Variants in GLIS1 observed in about 807,000 individuals in gnomAD.
GLIS1 encodes zinc finger protein GLIS1.
Under a neutral mutation model 63.8 loss-of-function variants are expected in GLIS1, and 24 were observed. That is an observed-to-expected ratio of 0.38 (90% CI 0.27 to 0.53). The LOEUF (loss-of-function observed/expected upper bound fraction) is 0.53, where lower values mean the gene tolerates loss of function less well. GLIS1 is among the 20% of genes least tolerant of loss of function. The probability of loss-of-function intolerance (pLI) is 0.85; values close to 1 mark genes in which losing one functional copy is unlikely to be tolerated. For synonymous variants in GLIS1, 450 were observed against 482.5 expected, an observed-to-expected ratio of 0.93 and a Z score of 0.88; for missense variants, 1,036 against 1,074.1, an observed-to-expected ratio of 0.96 and a Z score of 0.50.
At chr1:53,614,272 G>T (rs948178041) in intron 2 of GLIS1, among the ~76,000 whole-genome samples, 1 of 152,160 alleles carries the variant, frequency 6.6e-6, no homozygotes, top group African/African-American at 2.4e-5. Context: ...AAATTAAAAT[G>T]AAAACAAGAA....
chr1:53,524,688 A>C, intron 6 of GLIS1, 89 bp downstream of exon 6: 2 of 836,744 alleles, frequency 2.4e-6, no homozygotes, highest in Non-Finnish European at 4.1e-6. Flanking sequence ...GTGGGTGGGC[A>C]GATGCATGTG....
At chr1:53,542,211 G>T (rs957584601) in intron 4 of GLIS1, among the ~76,000 whole-genome samples, 1 of 152,232 alleles carries the variant, frequency 6.6e-6, no homozygotes, top group Non-Finnish European at 1.5e-5. Context: ...CTGTCAAAGG[G>T]GTCCGTGTGG....
At chr1:53,689,029 CCCT>C (rs1646372834) in intron 2 of GLIS1, among the ~76,000 whole-genome samples, 1 of 152,188 alleles carries the variant, frequency 6.6e-6, no homozygotes, top group African/African-American at 2.4e-5. Context: ...TCCTCAAGCC[CCCT>C]GCTTTCAATA....
At chr1:53,614,120 C>A (rs1016494453) in intron 2 of GLIS1, among the ~76,000 whole-genome samples, 2 of 152,124 alleles carry the variant, frequency 1.3e-5, no homozygotes, top group Admixed American at 1.3e-4. Context: ...ATGCCAGGAC[C>A]AGGCACCAAA....
At chr1:53,731,250 A>G (rs1303231189) in intron 2 of GLIS1, among the ~76,000 whole-genome samples, 1 of 152,158 alleles carries the variant, frequency 6.6e-6, no homozygotes, top group Non-Finnish European at 1.5e-5. Context: ...CAGATTCCTG[A>G]GGATCCTGAG....
At chr1:53,705,089 T>C (rs1646564536) in intron 2 of GLIS1, among the ~76,000 whole-genome samples, 2 of 152,196 alleles carry the variant, frequency 1.3e-5, no homozygotes, top group African/African-American at 2.4e-5. Flanking sequence ...TTTCAGGGCT[T>C]TTCCTAGGCC....
intron 2 of GLIS1, among the ~76,000 whole-genome samples, chr1:53,658,610 T>C (rs1645991999): frequency 6.6e-6 from 1 of 152,170 alleles, no homozygotes; most frequent in Non-Finnish European, 1.5e-5. Context: ...AGGAAGCCCA[T>C]GCTGATGTCA....
intron 2 of GLIS1, among the ~76,000 whole-genome samples, chr1:53,726,443 C>T (rs1206856198): frequency 1.3e-5 from 2 of 152,142 alleles, no homozygotes; most frequent in African/African-American, 4.8e-5. Flanking sequence ...TACTGCAGGG[C>T]CAGGCAGGCA....
chr1:53,613,954 AG>A (rs1645451588), intron 2 of GLIS1, among the ~76,000 whole-genome samples: 1 of 152,378 alleles, frequency 6.6e-6, no homozygotes, highest in African/African-American at 2.4e-5. Flanking sequence ...TCAAGTTTTC[AG>A]TCACAAAGGA....
At chr1:53,589,080 G>A (rs1569873829) in intron 4 of GLIS1, among the ~76,000 whole-genome samples, 1 of 152,330 alleles carries the variant, frequency 6.6e-6, no homozygotes, top group Non-Finnish European at 1.5e-5. Flanking sequence ...GTGTGATCTT[G>A]AGAAGTGATT....
At chr1:53,720,410 G>A (rs75151472) in intron 2 of GLIS1, among the ~76,000 whole-genome samples, 8 of 152,132 alleles carry the variant, frequency 5.3e-5, no homozygotes, top group Non-Finnish European at 7.4e-5. Flanking sequence ...GAAAAATACC[G>A]TAACTTCCTT....
At chr1:53,653,412 A>C (rs1161271917) in intron 2 of GLIS1, among the ~76,000 whole-genome samples, 1 of 152,046 alleles carries the variant, frequency 6.6e-6, no homozygotes, top group Non-Finnish European at 1.5e-5. Flanking sequence ...CATGCATCAC[A>C]GCCCGGCGAC....
intron 4 of GLIS1, among the ~76,000 whole-genome samples, chr1:53,534,169 C>T (rs901590848): frequency 1.3e-5 from 2 of 151,936 alleles, no homozygotes; most frequent in Admixed American, 1.3e-4. Context: ...GTTGTGGGGG[C>T]ACAGATGCTG....
chr1:53,605,449 G>A (rs749836799), intron 2 of GLIS1, among the ~76,000 whole-genome samples: 4 of 152,190 alleles, frequency 2.6e-5, no homozygotes, highest in Non-Finnish European at 4.4e-5. Context: ...TCCACTGCCT[G>A]AGCTCCCCGG....
At chr1:53,601,035 C>A (rs1645312235) in intron 2 of GLIS1, among the ~76,000 whole-genome samples, 1 of 145,048 alleles carries the variant, frequency 6.9e-6, no homozygotes, top group Admixed American at 7.2e-5. Context: ...TCAGTTTTCT[C>A]ATCTACGGAT....
chr1:53,617,425 T>G (rs992534633), intron 2 of GLIS1, among the ~76,000 whole-genome samples: 2 of 152,246 alleles, frequency 1.3e-5, no homozygotes, highest in African/African-American at 4.8e-5. Context: ...CACTAAATTT[T>G]CCAGGAATGG....
intron 2 of GLIS1, among the ~76,000 whole-genome samples, chr1:53,641,537 C>T (rs1480894697): frequency 1.3e-5 from 2 of 152,196 alleles, no homozygotes; most frequent in Non-Finnish European, 2.9e-5. Flanking sequence ...GAAGAACTCA[C>T]TTGCCCTCTC....
chr1:53,671,421 T>C (rs920157446), intron 2 of GLIS1, among the ~76,000 whole-genome samples: 1 of 152,204 alleles, frequency 6.6e-6, no homozygotes, highest in Non-Finnish European at 1.5e-5. Context: ...CACCACATTC[T>C]AAAAGGAGCT....
In GLIS1 at chr1:53,594,144, C is replaced by T; in HGVS notation, c.1284G>A (p.Met428Ile). The T allele has an allele frequency of 6.2e-7, 1 of 1,613,434 alleles. No individual in the cohort carries two copies. The highest frequency in any genetic ancestry group is 1.1e-5 in the South Asian group (1 of 91,066). Residue 428 changes from methionine to isoleucine, a missense_variant, in exon 4 of 11, where the codon ATG (methionine) becomes ATA (isoleucine). This residue lies in a region of GLIS1 where 592 missense variants were observed against 593.9 expected (regional missense o/e 1.00). Transcript: ENST00000628545. The stretch of plus-strand genomic sequence containing the variant: ...TGGGCTTCTCGCCCGAGTGCACTCG[C>T]ATGTGGATGAGCAGCTTGTAGCGGG... The part of the protein sequence containing the change: ...FNARYKLLIH[M>I]RVHSGEKPNK...
Sources: allele counts gnomAD v4.1 joint callset (sites outside exome capture counted in the v4.1 genomes callset), GRCh38; gene constraint gnomAD v4.1.1; regional missense constraint gnomAD v4.1.1; transcripts MANE v1.5; gene names NCBI Gene and HGNC (gene_info 2026-07-23, HGNC 2026-07-21).